Variants in ERC2 observed in about 807,000 individuals in gnomAD.
ERC2 encodes the protein ERC protein 2.
In ERC2, 42 loss-of-function variants were observed where a neutral mutation model predicts 114.8. That is an observed-to-expected ratio of 0.37 (90% CI 0.29 to 0.47). The LOEUF is 0.47. Ranked by LOEUF, ERC2 falls within the 20% of genes least tolerant of loss-of-function variation. ERC2 has a pLI of 0.99. For missense variants in ERC2, 939 were observed against 1,150.7 expected (o/e 0.82, Z 2.66); for synonymous variants, 454 against 425.5 (o/e 1.07, Z -0.82).
intron 13 of ERC2, among the ~76,000 whole-genome samples, chr3:55,946,773 T>C (rs1576313535): frequency 6.6e-6 from 1 of 152,260 alleles, no homozygotes; most frequent in Non-Finnish European, 1.5e-5. Context: ...TCCTTGTCAA[T>C]GCTCCAAAAA....
chr3:56,131,844 G>A (rs1354071651), intron 6 of ERC2, among the ~76,000 whole-genome samples: 1 of 152,034 alleles, frequency 6.6e-6, no homozygotes, highest in African/African-American at 2.4e-5. Context: ...GATTTCTAAG[G>A]TTCCCAACAC....
At chr3:55,616,418 T>C (rs933977136) in intron 17 of ERC2, among the ~76,000 whole-genome samples, 11 of 152,176 alleles carry the variant, frequency 7.2e-5, no homozygotes, top group Admixed American at 3.3e-4. Context: ...GATACGTTTT[T>C]ATATTTCAGT....
intron 6 of ERC2, among the ~76,000 whole-genome samples, chr3:56,105,106 C>A (rs1171668920): frequency 6.6e-6 from 1 of 151,118 alleles, no homozygotes; most frequent in African/African-American, 2.4e-5. Context: ...AAAAAAAAAA[C>A]AAAGATGGGC....
At chr3:55,791,360 G>A (rs1164959814) in intron 14 of ERC2, among the ~76,000 whole-genome samples, 1 of 151,936 alleles carries the variant, frequency 6.6e-6, no homozygotes, top group Admixed American at 6.6e-5. Context: ...TAAAAGATAG[G>A]TACATATCTC....
rs552342464 is a variant in ERC2, at chr3:56,303,914, G to T, written c.658-7479C>A. The stretch of plus-strand genomic sequence containing the variant: ...AGCCCTCAGGAGTCCAAAAAATTCA[G>T]ATTAATGAAATACAAGCTTACAATA... On this transcript the variant is annotated intron_variant, in intron 2 of 17. Transcript: ENST00000288221. Among the ~76,000 whole-genome samples, 13 of 152,258 alleles carry T rather than the reference G, an allele frequency of 8.5e-5. No homozygotes were observed. In the East Asian group the frequency reaches 2.5e-3, roughly 29 times the overall value.
intron 3 of ERC2, among the ~76,000 whole-genome samples, chr3:56,285,570 C>T (rs1159557343): frequency 1.3e-5 from 2 of 152,104 alleles, no homozygotes; most frequent in Non-Finnish European, 2.9e-5. Flanking sequence ...CAGCCCAGCT[C>T]AAACAGATGC....
chr3:55,812,635 T>C (rs1417951577), intron 14 of ERC2, among the ~76,000 whole-genome samples: 4 of 152,090 alleles, frequency 2.6e-5, no homozygotes, highest in Admixed American at 1.3e-4. Context: ...GGAGGGAGGA[T>C]CTACTTAAAA....
At chr3:56,123,654 C>A (rs1277009190) in intron 6 of ERC2, among the ~76,000 whole-genome samples, 1 of 152,218 alleles carries the variant, frequency 6.6e-6, no homozygotes, top group Non-Finnish European at 1.5e-5. Context: ...TCTACTCTGG[C>A]TCCACAGAGG....
intron 7 of ERC2, among the ~76,000 whole-genome samples, chr3:56,038,488 A>T (rs2074943874): frequency 6.6e-6 from 1 of 152,206 alleles, no homozygotes; most frequent in South Asian, 2.1e-4. Flanking sequence ...GTTGGTGGGA[A>T]TGTAAATTAG....
At chr3:55,655,186 A>C (rs1025058398) in intron 17 of ERC2, among the ~76,000 whole-genome samples, 9 of 152,164 alleles carry the variant, frequency 5.9e-5, no homozygotes, top group African/African-American at 2.2e-4. Flanking sequence ...TGCAGTCACC[A>C]GTTGCCCACA....
At chr3:55,966,874 C>T (rs1338654801) in intron 12 of ERC2, among the ~76,000 whole-genome samples, 1 of 152,156 alleles carries the variant, frequency 6.6e-6, no homozygotes, top group African/African-American at 2.4e-5. Flanking sequence ...ACAGAAAACT[C>T]AGTAAATACC....
chr3:55,508,655 C>T lies in ERC2; in HGVS notation c.*2661G>A, dbSNP rs1475461912. The T allele has an allele frequency of 6.6e-6, 1 of 152,600 alleles. No individual in the cohort carries two copies. Among genetic ancestry groups the T allele is most frequent in the African/African-American group, 2.4e-5 (1 of 41,448 alleles). 9.5% of individuals were successfully genotyped at this position (152,600 alleles called of 1,614,324 possible). On this transcript the variant is annotated 3_prime_UTR_variant, in exon 18 of 18. Coordinates refer to ENST00000288221, the MANE Select transcript of ERC2 (RefSeq NM_015576.3). ...ATTCAATCGCCACTCTACACAAAAA[C>T]ATTGCAGATAGAGCTTACGTCAACA...
rs778707263 is a variant in ERC2, at chr3:56,294,642, G to A, written c.1074+1377C>T. On this transcript the variant is annotated intron_variant, in intron 3 of 17. Transcript: ENST00000288221. ...TAACAGTCTTATGTAACCTAATCCT[G>A]GAAATAACATTGACATTCTGTTAAT... 3.5e-4 allele frequency among the ~76,000 whole-genome samples: 53 copies of A among 152,144 alleles called. 1 individual carries two copies. The highest frequency in any genetic ancestry group is 2.2e-4 in the Non-Finnish European group (15 of 68,032).
intron 14 of ERC2, among the ~76,000 whole-genome samples, chr3:55,829,221 A>T (rs2060466728): frequency 6.6e-6 from 1 of 152,224 alleles, no homozygotes; most frequent in Non-Finnish European, 1.5e-5. Flanking sequence ...CAACCCCAAG[A>T]TTACTCAGAT....
rs751725278 is a variant in ERC2, at chr3:56,434,913, G to A, written c.95C>T (p.Thr32Ile). The change falls in exon 2 of 18, where the codon ACA (threonine) becomes ATA (isoleucine). Residue 32 changes from threonine (T) to isoleucine (I), a missense_variant. Physicochemically the swap from Thr to Ile is moderately conservative, Grantham distance 89 (BLOSUM62 -1). Coordinates refer to ENST00000288221, the MANE Select transcript of ERC2 (RefSeq NM_015576.3). ...TGTTCCTCCACCTCCCCCACTACTT[G>A]TTCTTCGGTGGCCCAAACGAGGAGA... ...PRSPRLGHRR[T>I]SSGGGGGTGK... 53 of 1,613,708 alleles carry A rather than the reference G, an allele frequency of 3.3e-5. No homozygotes were observed. The highest frequency in any genetic ancestry group is 2.8e-4 in the Admixed American group (17 of 59,988).
At chr3:56,324,351 T>C (rs1453341250) in intron 2 of ERC2, among the ~76,000 whole-genome samples, 2 of 152,128 alleles carry the variant, frequency 1.3e-5, no homozygotes, top group African/African-American at 2.4e-5. Context: ...ATACAGATGC[T>C]CCTTGACTTA....
intron 14 of ERC2, among the ~76,000 whole-genome samples, chr3:55,762,526 C>T (rs75198222): frequency 0.024 from 3,711 of 152,234 alleles, 152 homozygotes; most frequent in African/African-American, 0.085. Flanking sequence ...TCAGGAGGGT[C>T]CTTATTTTTA....
At chr3:56,454,824 A>C (rs867746729) in intron 1 of ERC2, among the ~76,000 whole-genome samples, 1 of 141,170 alleles carries the variant, frequency 7.1e-6, no homozygotes, top group Non-Finnish European at 1.5e-5. Context: ...CTGTCACTGC[A>C]CTCCCACTTG....
intron 3 of ERC2, among the ~76,000 whole-genome samples, chr3:56,230,779 C>T (rs2050569076): frequency 6.6e-6 from 1 of 152,140 alleles, no homozygotes; most frequent in Admixed American, 6.5e-5. Context: ...AAAAGATAAA[C>T]TCAAAATTGT....
Sources: allele counts gnomAD v4.1 joint callset (sites outside exome capture counted in the v4.1 genomes callset), GRCh38; gene constraint gnomAD v4.1.1; transcripts MANE v1.5; gene names NCBI Gene and HGNC (gene_info 2026-07-23, HGNC 2026-07-21).